Variants in SURF4 observed in about 807,000 individuals in gnomAD.
SURF4 encodes surfeit 4.
A neutral mutation model predicts 30.0 loss-of-function variants in SURF4; 3 were observed. The observed-to-expected ratio is 0.10, with a 90% CI of 0.05 to 0.26. The LOEUF is 0.26. SURF4 is among the 10% of genes least tolerant of loss of function. The probability of loss-of-function intolerance (pLI) is 1.00; values close to 1 mark genes in which losing one functional copy is unlikely to be tolerated. For synonymous variants in SURF4, 143 were observed against 139.9 expected (o/e 1.02, Z -0.16); for missense variants, 217 against 350.8 (o/e 0.62, Z 3.05).
upstream of SURF4, chr9:133,376,511 A>G (rs1252244187): frequency 1.2e-6 from 2 of 1,600,496 alleles, no homozygotes; most frequent in Non-Finnish European, 8.5e-7. Flanking sequence ...CGCCCCACGC[A>G]GGGGGAGCGA....
chr9:133,370,795 C>T (rs1436521553), intron 1 of SURF4: 2 of 1,098,558 alleles, frequency 1.8e-6, no homozygotes, highest in African/African-American at 1.6e-5. Flanking sequence ...CCCCCTCCCC[C>T]CCATTAGAGA....
At chr9:133,372,472 T>G (rs1747805358) in intron 1 of SURF4, 1 of 527,942 alleles carries the variant, frequency 1.9e-6, no homozygotes, top group African/African-American at 2.1e-5. Flanking sequence ...CTGGCCAACC[T>G]CCTACAGTCA....
intron 1 of SURF4, chr9:133,375,346 G>C: frequency 2.0e-6 from 2 of 982,010 alleles, no homozygotes; most frequent in Non-Finnish European, 2.4e-6. Flanking sequence ...AACGGGGAGG[G>C]AGACGCAGAC....
chr9:133,365,585 A>G (rs1351829215), intron 4 of SURF4, among the ~76,000 whole-genome samples: 1 of 152,200 alleles, frequency 6.6e-6, no homozygotes, highest in Non-Finnish European at 1.5e-5. Context: ...AATAAAACTT[A>G]AAAATCACAA....
At chr9:133,367,574 G>C in intron 1 of SURF4, 129 bp from the exon 2 acceptor site, 4 of 1,539,964 alleles carry the variant, frequency 2.6e-6, no homozygotes, top group Non-Finnish European at 3.5e-6. Flanking sequence ...TGTCAGCCCC[G>C]GTGCCTTCCC....
intron 5 of SURF4, among the ~76,000 whole-genome samples, chr9:133,364,199 C>T (rs979916421): frequency 1.3e-5 from 2 of 152,156 alleles, no homozygotes; most frequent in Non-Finnish European, 2.9e-5. Flanking sequence ...CCCCTGACAC[C>T]TGACACACAG....
chr9:133,367,854 T>C (rs1426145169), intron 1 of SURF4, among the ~76,000 whole-genome samples: 1 of 152,256 alleles, frequency 6.6e-6, no homozygotes, highest in Non-Finnish European at 1.5e-5. Context: ...AATCACAGAA[T>C]GACATCTGAA....
At chr9:133,364,690 CAAA>C (rs587654637) in intron 5 of SURF4, 147 bp downstream of exon 5, 2,412 of 472,440 alleles carry the variant, frequency 5.1e-3, no homozygotes, top group East Asian at 6.6e-3. Context: ...GACTCCGTCT[CAAA>C]AAAAAAAAAA....
upstream of SURF4, chr9:133,376,248 G>A: frequency 7.7e-7 from 1 of 1,299,724 alleles, no homozygotes; most frequent in Non-Finnish European, 9.7e-7. Context: ...CGCCTCTCAC[G>A]CTGGAGGCCC....
In SURF4 at chr9:133,363,034, G is replaced by C; in HGVS notation, c.*459C>G. On this transcript the variant is annotated 3_prime_UTR_variant, in exon 6 of 6. Transcript: ENST00000371989. This position sits in a 1 kb window ranked among gnomAD's most constrained non-coding sequence, Gnocchi z 4.3. ...TGATTTTAAACCAGGGAGATTAACTGTTTTGAGGTTTGGCTGAACCACCCA... is the reference window on the plus strand; with the variant it reads ...TGATTTTAAACCAGGGAGATTAACTCTTTTGAGGTTTGGCTGAACCACCCA... 3.5e-6 allele frequency: 1 copy of C among 285,714 alleles called. No individual in the cohort carries two copies. The highest frequency in any genetic ancestry group is 6.8e-6 in the Non-Finnish European group (1 of 147,822). The allele number at this position is 285,714 out of a possible 1,614,324, so 17.7% of individuals were successfully genotyped here.
At position 133,363,933 on chromosome 9, in the gene SURF4, G is replaced by A. The variant is rs1836999397; in HGVS notation, c.544-174C>T. The A allele has an allele frequency of 2.5e-6, 2 of 802,702 alleles. No individual in the cohort carries two copies. Among genetic ancestry groups the A allele is most frequent in the South Asian group, 2.9e-5 (2 of 69,360 alleles). 49.7% of individuals were successfully genotyped at this position (802,702 alleles called of 1,614,324 possible). Reference sequence around the variant, plus strand: ...AGATAAAAGCCAAAGGGAGGCAGGAGGCAATAAAGCACCAGCTTTGAAATG... The same window carrying A: ...AGATAAAAGCCAAAGGGAGGCAGGAAGCAATAAAGCACCAGCTTTGAAATG... On this transcript the variant is annotated intron_variant, in intron 5 of 5. Transcript: ENST00000371989. The surrounding 1 kb of genome is among the most constrained non-coding windows in gnomAD (Gnocchi z 4.3).
chr9:133,374,458 G>A (rs2130224286), intron 1 of SURF4, among the ~76,000 whole-genome samples: 2 of 152,098 alleles, frequency 1.3e-5, no homozygotes, highest in Admixed American at 6.5e-5. Flanking sequence ...CTACTCGGGA[G>A]GCTGAGGCAG....
chr9:133,372,630 T>A (rs2130198701), intron 1 of SURF4: 8 of 985,458 alleles, frequency 8.1e-6, no homozygotes, highest in Non-Finnish European at 9.6e-6. Flanking sequence ...TCAAATCTTG[T>A]CACTTCAGTT....
chr9:133,363,873 A>G lies in SURF4; in HGVS notation c.544-114T>C. ...AAGTCTCTATCCATCAGGCTGATGT[A>G]GCTACTGCTGAGACGGCTGCTGGTG... On this transcript the variant is annotated intron_variant, in intron 5 of 5. Transcript: ENST00000371989. The surrounding 1 kb of genome is among the most constrained non-coding windows in gnomAD (Gnocchi z 4.3). The G allele has an allele frequency of 2.2e-6, 3 of 1,355,424 alleles. No homozygotes were observed. The highest frequency in any genetic ancestry group is 3.1e-6 in the Non-Finnish European group (3 of 960,458). The allele number at this position is 1,355,424 out of a possible 1,614,324, so 84.0% of individuals were successfully genotyped here.
intron 5 of SURF4, among the ~76,000 whole-genome samples, chr9:133,364,605 T>C (rs1837046324): frequency 6.7e-6 from 1 of 148,600 alleles, no homozygotes; most frequent in African/African-American, 2.5e-5. Flanking sequence ...GGCAGGAGAA[T>C]GGCGTGAACC....
chr9:133,371,157 A>G (rs1427570691), intron 1 of SURF4: 1 of 984,764 alleles, frequency 1.0e-6, no homozygotes, highest in Non-Finnish European at 1.2e-6. Context: ...ACAGAAAGAA[A>G]TTGAGGAAAG....
chr9:133,370,926 C>T (rs1007392969), intron 1 of SURF4: 10 of 1,289,664 alleles, frequency 7.8e-6, no homozygotes, highest in Non-Finnish European at 1.0e-5. Context: ...CGCCATCAAG[C>T]AGGATATGGT....
intron 1 of SURF4, among the ~76,000 whole-genome samples, chr9:133,370,064 G>T (rs1343582148): frequency 2.0e-5 from 3 of 152,270 alleles, no homozygotes; most frequent in Non-Finnish European, 2.9e-5. Flanking sequence ...ACTGGCCTGA[G>T]ATGAGCAAAC....
chr9:133,367,499 C>A (rs1837248586), intron 1 of SURF4, 54 bp from the exon 2 acceptor site: 2 of 1,604,844 alleles, frequency 1.2e-6, no homozygotes, highest in East Asian at 4.5e-5. Context: ...GAGCACCAGG[C>A]CGCTGCCAGG....
Sources: allele counts gnomAD v4.1 joint callset (sites outside exome capture counted in the v4.1 genomes callset), GRCh38; gene constraint gnomAD v4.1.1; non-coding constraint Gnocchi (gnomAD v3.1); transcripts MANE v1.5; gene names NCBI Gene and HGNC (gene_info 2026-07-23, HGNC 2026-07-21).